Variants in NR6A1 observed in about 807,000 individuals in gnomAD.
The protein encoded by NR6A1 is nuclear receptor subfamily 6 group A member 1, also known as retinoic acid receptor-related testis-associated receptor.
Under a neutral mutation model 59.1 loss-of-function variants are expected in NR6A1, and 7 were observed. The ratio of observed to expected loss-of-function variants is 0.12; its 90% CI spans 0.07 to 0.22. The LOEUF (loss-of-function observed/expected upper bound fraction) is 0.22. Among genes scored for constraint, NR6A1 ranks in the 10% least tolerant of loss-of-function variants. The pLI is 1.00. For missense variants in NR6A1, 468 were observed against 611.6 expected, an observed-to-expected ratio of 0.77 and a Z score of 2.48; for synonymous variants, 243 against 236.1, an observed-to-expected ratio of 1.03 and a Z score of -0.27.
At chr9:124,756,878 A>G (rs942980868) in intron 1 of NR6A1, among the ~76,000 whole-genome samples, 1 of 151,988 alleles carries the variant, frequency 6.6e-6, no homozygotes, top group Non-Finnish European at 1.5e-5. Flanking sequence ...CCATTCACCC[A>G]TATCTATAAG....
chr9:124,660,826 G>A (rs1254180729), intron 2 of NR6A1, among the ~76,000 whole-genome samples: 1 of 152,030 alleles, frequency 6.6e-6, no homozygotes, highest in Admixed American at 6.6e-5. Context: ...GGCACAGTAA[G>A]AAATATCAAA....
chr9:124,765,948 T>C (rs571883474), intron 1 of NR6A1, among the ~76,000 whole-genome samples: 10 of 152,218 alleles, frequency 6.6e-5, no homozygotes, highest in Non-Finnish European at 1.3e-4. Context: ...TGATTTTCTA[T>C]TACTTACTAA....
chr9:124,619,998 T>C (rs904531025), intron 2 of NR6A1, among the ~76,000 whole-genome samples: 3 of 152,106 alleles, frequency 2.0e-5, no homozygotes, highest in African/African-American at 7.2e-5. Context: ...GAGGCAGAGG[T>C]TGCAGTGAGC....
At chr9:124,657,194 G>T (rs927931499) in intron 2 of NR6A1, among the ~76,000 whole-genome samples, 1 of 151,936 alleles carries the variant, frequency 6.6e-6, no homozygotes, top group African/African-American at 2.4e-5. Flanking sequence ...AGCTTTTCTC[G>T]GGTTAAGACA....
chr9:124,657,356 A>C (rs1490554031), intron 2 of NR6A1, among the ~76,000 whole-genome samples: 3 of 152,250 alleles, frequency 2.0e-5, no homozygotes, highest in African/African-American at 4.8e-5. Context: ...GCAAGAAATA[A>C]ACAGAACTAT....
intron 2 of NR6A1, among the ~76,000 whole-genome samples, chr9:124,580,337 A>G (rs1005189001): frequency 6.6e-6 from 1 of 152,240 alleles, no homozygotes; most frequent in Non-Finnish European, 1.5e-5. Context: ...ATAAAATTAC[A>G]GTAATAGGGA....
At chr9:124,581,357 G>C (rs1834758792) in intron 2 of NR6A1, among the ~76,000 whole-genome samples, 1 of 152,132 alleles carries the variant, frequency 6.6e-6, no homozygotes, top group South Asian at 2.1e-4. Flanking sequence ...CACTTTGGTA[G>C]GCCGAGGCAG....
chr9:124,710,844 G>A (rs895203485), intron 2 of NR6A1, among the ~76,000 whole-genome samples: 1 of 152,160 alleles, frequency 6.6e-6, no homozygotes, highest in African/African-American at 2.4e-5. Context: ...CATTATCACT[G>A]TTGAGGAAAT....
intron 2 of NR6A1, among the ~76,000 whole-genome samples, chr9:124,617,135 A>C (rs999285317): frequency 6.6e-6 from 1 of 152,232 alleles, no homozygotes; most frequent in African/African-American, 2.4e-5. Context: ...GACTTCACCC[A>C]GTCAATCTGC....
chr9:124,570,236 C>G lies in NR6A1; in HGVS notation c.143-15666G>C, dbSNP rs568092669. 1.1e-3 allele frequency among the ~76,000 whole-genome samples: 174 copies of G among 152,228 alleles called. 1 individual carries two copies. The highest frequency in any genetic ancestry group is 3.8e-3 in the African/African-American group (158 of 41,488). ...TGTGGATTCAGTAATGTGACCATAC[C>G]TTTCCCCTTTCCCCTCCAGCCTGCT... On this transcript the variant is annotated intron_variant, in intron 2 of 9. Transcript: ENST00000487099.
chr9:124,616,482 A>G (rs1436363890), intron 2 of NR6A1, among the ~76,000 whole-genome samples: 1 of 151,820 alleles, frequency 6.6e-6, no homozygotes, highest in Non-Finnish European at 1.5e-5. Flanking sequence ...ATATATTATA[A>G]TATACTGAGG....
intron 2 of NR6A1, among the ~76,000 whole-genome samples, chr9:124,555,382 C>T (rs1833893724): frequency 1.3e-5 from 2 of 152,068 alleles, no homozygotes; most frequent in Non-Finnish European, 2.9e-5. Flanking sequence ...GGGAAGGTTC[C>T]GATCAGAGGC....
intron 1 of NR6A1, among the ~76,000 whole-genome samples, chr9:124,761,058 GA>G (rs946851739): frequency 1.3e-5 from 2 of 152,222 alleles, no homozygotes; most frequent in African/African-American, 4.8e-5. Context: ...CAAGGGTACA[GA>G]AAGAATATGG....
rs59770058 is a variant in NR6A1 at position 124,687,291 on chromosome 9, A to ATTAATTAATTAATTAATTATTTAT, written c.142+46016_142+46017insATAAATAATTAATTAATTAATTAA. On this transcript the variant is annotated intron_variant, in intron 2 of 9. Coordinates refer to ENST00000487099, the MANE Select transcript of NR6A1 (RefSeq NM_033334.4). ...ACATGCCACCACAGCCAGCTAATTA[A>ATTAATTAATTAATTAATTATTTAT]TTATTTATTTATTTATTTATTTATT... 4.1e-4 allele frequency among the ~76,000 whole-genome samples: 58 copies of ATTAATTAATTAATTAATTATTTAT among 142,168 alleles called. No individual in the cohort carries two copies. The East Asian group carries it at 8.5e-3, about 21-fold the overall frequency. 93.3% of individuals were successfully genotyped at this position (142,168 alleles called of 152,430 possible).
In NR6A1 at chr9:124,670,466, G is replaced by C. The variant is rs77748648; in HGVS notation, c.142+62842C>G. ...TCAGATCAGATTATTTTTAGTTGTTGAGAAAAGGTCTAAAAAGCTAGGAAA... is the reference window on the plus strand; with the variant it reads ...TCAGATCAGATTATTTTTAGTTGTTCAGAAAAGGTCTAAAAAGCTAGGAAA... On this transcript the variant is annotated intron_variant, in intron 2 of 9. Transcript: ENST00000487099. 5.0e-3 allele frequency among the ~76,000 whole-genome samples: 748 copies of C among 149,682 alleles called. 5 individuals carry two copies. Among genetic ancestry groups the C allele is most frequent in the African/African-American group, 0.018 (702 of 39,076 alleles).
At chr9:124,703,154 C>T (rs1396200939) in intron 2 of NR6A1, among the ~76,000 whole-genome samples, 6 of 151,850 alleles carry the variant, frequency 4.0e-5, no homozygotes, top group Non-Finnish European at 7.4e-5. Flanking sequence ...ATCTGCCCAC[C>T]TCAGCCTCCC....
chr9:124,670,243 T>G (rs1031101687), intron 2 of NR6A1, among the ~76,000 whole-genome samples: 4 of 149,296 alleles, frequency 2.7e-5, no homozygotes, highest in Non-Finnish European at 5.9e-5. Context: ...AATCAAAAAA[T>G]TAGCCAGCTG....
intron 2 of NR6A1, among the ~76,000 whole-genome samples, chr9:124,718,741 A>C (rs1839475274): frequency 6.6e-6 from 1 of 151,016 alleles, no homozygotes; most frequent in African/African-American, 2.4e-5. Flanking sequence ...AGTCTACAGC[A>C]TCCTACTGCA....
intron 1 of NR6A1, among the ~76,000 whole-genome samples, chr9:124,748,864 CAA>C (rs533825423): frequency 4.5e-4 from 30 of 66,876 alleles, no homozygotes; most frequent in Admixed American, 5.2e-4. Context: ...GACTCTGTCT[CAA>C]AAAAAAAAAA....
Sources: allele counts gnomAD v4.1 joint callset (sites outside exome capture counted in the v4.1 genomes callset), GRCh38; gene constraint gnomAD v4.1.1; transcripts MANE v1.5; gene names NCBI Gene and HGNC (gene_info 2026-07-23, HGNC 2026-07-21).